DPP6: variants seen among roughly 807,000 people sequenced by gnomAD.
DPP6 encodes the protein dipeptidyl peptidase like 6.
DPP6 carries 69 observed loss-of-function variants against 122.6 expected under a neutral mutation model. That is an observed-to-expected ratio of 0.56 (90% CI 0.46 to 0.69). The LOEUF is 0.69. Among genes scored for constraint, DPP6 ranks in the 30% least tolerant of loss-of-function variants. DPP6 has a pLI of 0.00. For missense variants in DPP6, 928 were observed against 1,116.9 expected (o/e 0.83, Z 2.41); for synonymous variants, 418 against 433.1 (o/e 0.97, Z 0.43).
chr7:153,817,003 T>C, the DPP6 span, among the ~76,000 whole-genome samples: 2 of 150,796 alleles, frequency 1.3e-5, no homozygotes, highest in East Asian at 2.0e-4. Context: ...CTTACCCATA[T>C]GGGGAAACAT....
chr7:154,409,660 A>G (rs1211027024), intron 1 of DPP6, among the ~76,000 whole-genome samples: 1 of 152,192 alleles, frequency 6.6e-6, no homozygotes, highest in African/African-American at 2.4e-5. Flanking sequence ...CTTTTCTGAT[A>G]CTACAAGATG....
In DPP6 at chr7:154,129,711, A is replaced by G. The variant is rs1334407462; in HGVS notation, c.243+76648A>G. On this transcript the variant is annotated intron_variant, in intron 1 of 25. Coordinates refer to ENST00000377770, the MANE Select transcript of DPP6 (RefSeq NM_130797.4). ...TCAGGAGATTGAGACCATCCTGGCT[A>G]ACACAGTGAAACCCTGTCTCTGCTA... Among the ~76,000 whole-genome samples, 3 of 152,052 alleles carry G rather than the reference A, an allele frequency of 2.0e-5. No homozygotes were observed. The East Asian group carries it at 5.8e-4, about 29-fold the overall frequency.
the DPP6 span, among the ~76,000 whole-genome samples, chr7:153,869,523 C>G: frequency 6.6e-6 from 1 of 152,152 alleles, no homozygotes; most frequent in Non-Finnish European, 1.5e-5. Context: ...TCCTCCATCC[C>G]TTTATTTGGA....
intron 2 of DPP6, among the ~76,000 whole-genome samples, chr7:154,464,089 C>T (rs1020146689): frequency 6.6e-6 from 1 of 152,206 alleles, no homozygotes; most frequent in African/African-American, 2.4e-5. Context: ...GGACCCCAGA[C>T]CACTTTAGCC....
chr7:154,647,441 A>T (rs577977999), intron 6 of DPP6, among the ~76,000 whole-genome samples: 1 of 143,938 alleles, frequency 6.9e-6, no homozygotes, highest in Admixed American at 6.9e-5. Context: ...CAGATTAACC[A>T]TGTTCTTGGG....
intron 14 of DPP6, 27 bp from the exon 15 acceptor site, chr7:154,804,889 AC>A: frequency 6.3e-7 from 1 of 1,592,866 alleles, no homozygotes; most frequent in Non-Finnish European, 8.6e-7. Context: ...GAGCAAACTA[AC>A]CCTGTGCACC....
chr7:153,961,729 C>G (rs1022915200), intron 1 of DPP6, among the ~76,000 whole-genome samples: 1 of 145,868 alleles, frequency 6.9e-6, no homozygotes, highest in East Asian at 2.0e-4. Flanking sequence ...ACTAGACAGT[C>G]GCATCTGGGG....
intron 1 of DPP6, among the ~76,000 whole-genome samples, chr7:154,363,378 G>A (rs2151102241): frequency 6.6e-6 from 1 of 152,338 alleles, no homozygotes; most frequent in Middle Eastern, 3.4e-3. Context: ...AGAGAGGGTT[G>A]GGTAGGGCTT....
intron 5 of DPP6, among the ~76,000 whole-genome samples, chr7:154,626,446 C>G (rs1462792514): frequency 6.6e-6 from 1 of 152,138 alleles, no homozygotes; most frequent in Non-Finnish European, 1.5e-5. Context: ...ATGTTCTCCT[C>G]TTAACGACTC....
intron 12 of DPP6, 58 bp from the exon 13 acceptor site, chr7:154,801,297 A>G: frequency 1.3e-6 from 2 of 1,549,118 alleles, no homozygotes; most frequent in Non-Finnish European, 8.7e-7. Context: ...TCCTGGTTCA[A>G]CCTCTTCAGA....
At chr7:153,871,249 G>C in the DPP6 span, among the ~76,000 whole-genome samples, 1 of 152,320 alleles carries the variant, frequency 6.6e-6, no homozygotes, top group East Asian at 1.9e-4. Flanking sequence ...GCCCCCAGAG[G>C]TGGAGCCTGT....
chr7:154,387,437 C>T (rs1240955511), intron 1 of DPP6, among the ~76,000 whole-genome samples: 1 of 152,176 alleles, frequency 6.6e-6, no homozygotes, highest in African/African-American at 2.4e-5. Context: ...TGGGAGAATT[C>T]AGGAAGGCTT....
At chr7:154,239,333 ACGGAGCAGTTC>A (rs1216022391) in intron 1 of DPP6, among the ~76,000 whole-genome samples, 1 of 152,180 alleles carries the variant, frequency 6.6e-6, no homozygotes, top group Non-Finnish European at 1.5e-5. Context: ...ACGGGTTTGA[ACGGAGCAGTTC>A]CACTTATATG....
chr7:154,052,613 T>C lies in DPP6; in HGVS notation c.-208T>C, dbSNP rs1800434368. 2 of 1,250,684 alleles carry C rather than the reference T, an allele frequency of 1.6e-6. No homozygotes were observed. Among genetic ancestry groups the C allele is most frequent in the Non-Finnish European group, 1.0e-6 (1 of 989,358 alleles). The allele number at this position is 1,250,684 out of a possible 1,614,324, so 77.5% of individuals were successfully genotyped here. On this transcript the variant is annotated 5_prime_UTR_variant, in exon 1 of 26. Coordinates refer to ENST00000377770, the MANE Select transcript of DPP6 (RefSeq NM_130797.4). This position sits in a 1 kb window ranked among gnomAD's most constrained non-coding sequence, Gnocchi z 4.8. ...CCGCCGGGGAGGGGGCGGAGGAGGC[T>C]GAGCCAGGCAGAGTCGCCAGCGGAG...
intron 1 of DPP6, among the ~76,000 whole-genome samples, chr7:153,895,409 T>C (rs1408673124): frequency 7.9e-5 from 12 of 152,158 alleles, no homozygotes; most frequent in Admixed American, 5.2e-4. Flanking sequence ...CCCTTTCAAC[T>C]CCCTCTCCCA....
intron 4 of DPP6, among the ~76,000 whole-genome samples, chr7:154,547,643 C>T (rs1256510343): frequency 6.6e-6 from 1 of 152,152 alleles, no homozygotes; most frequent in African/African-American, 2.4e-5. Context: ...TGTGAGAAAT[C>T]GTAGCACAAA....
rs576013720 is a variant in DPP6, at chr7:154,618,462, C to T, written c.628-19359C>T. Among the ~76,000 whole-genome samples, 1 of 152,282 alleles carries T rather than the reference C, an allele frequency of 6.6e-6. No individual in the cohort carries two copies. Among genetic ancestry groups the T allele is most frequent in the African/African-American group, 2.4e-5 (1 of 41,562 alleles). On this transcript the variant is annotated intron_variant, in intron 5 of 25. Coordinates refer to ENST00000377770, the MANE Select transcript of DPP6 (RefSeq NM_130797.4). This position sits in a 1 kb window ranked among gnomAD's most constrained non-coding sequence, Gnocchi z 4.1. Reference sequence around the variant, plus strand: ...ATGCTTCCCCTTTGTCTTGTTAGACCATTGATTTCCTTTAGAAGATCAAAA... The same window carrying T: ...ATGCTTCCCCTTTGTCTTGTTAGACTATTGATTTCCTTTAGAAGATCAAAA...
intron 3 of DPP6, among the ~76,000 whole-genome samples, chr7:154,523,850 A>T (rs1192724698): frequency 1.3e-5 from 2 of 152,210 alleles, no homozygotes; most frequent in East Asian, 3.8e-4. Context: ...GGTGACCACC[A>T]AATTTCTCTA....
chr7:154,587,644 T>C, intron 5 of DPP6: 1 of 1,543,180 alleles, frequency 6.5e-7, no homozygotes, highest in Non-Finnish European at 8.8e-7. Context: ...ATCTCCCACT[T>C]TACAGATGAA....
Sources: gnomAD v4.1 joint callset for allele counts (sites outside exome capture counted in the v4.1 genomes callset) on GRCh38, gnomAD v4.1.1 for gene constraint, Gnocchi (gnomAD v3.1) non-coding constraint, MANE v1.5 for transcripts, NCBI Gene and HGNC (gene_info 2026-07-23, HGNC 2026-07-21) for gene names.